Variants in PTCD3 observed in about 807,000 individuals in gnomAD.
The protein encoded by PTCD3 is small ribosomal subunit protein mS39.
A neutral mutation model predicts 101.9 loss-of-function variants in PTCD3; 89 were observed. That is an observed-to-expected ratio of 0.87 (90% CI 0.74 to 1.04). PTCD3 has a LOEUF of 1.04. PTCD3 is among the 50% of genes least tolerant of loss of function. PTCD3 has a pLI of 0.00. For missense variants in PTCD3, 870 were observed against 828.2 expected, an observed-to-expected ratio of 1.05 and a Z score of -0.62; for synonymous variants, 296 against 278.5, an observed-to-expected ratio of 1.06 and a Z score of -0.63.
intron 3 of PTCD3, 178 bp downstream of exon 3, chr2:86,108,714 G>A (rs1226331412): frequency 1.9e-6 from 1 of 526,650 alleles, no homozygotes; most frequent in Admixed American, 3.5e-5. Context: ...GTGGAGAATA[G>A]TGAGTGAATG....
intron 6 of PTCD3, among the ~76,000 whole-genome samples, 184 bp from the exon 7 acceptor site, chr2:86,118,737 G>T (rs572809357): frequency 6.6e-6 from 1 of 152,322 alleles, no homozygotes; most frequent in Non-Finnish European, 1.5e-5. Context: ...GAGATGAAAG[G>T]TTTAGTTCAA....
At chr2:86,135,747 A>G in intron 21 of PTCD3, 2 of 339,192 alleles carry the variant, frequency 5.9e-6, no homozygotes, top group Non-Finnish European at 5.7e-6. Context: ...AAAGATGATG[A>G]AGGCTTGTCT....
intron 23 of PTCD3, 139 bp downstream of exon 23, chr2:86,137,279 G>C: frequency 7.7e-7 from 1 of 1,300,194 alleles, no homozygotes; most frequent in Non-Finnish European, 1.0e-6. Context: ...TATTTCATTT[G>C]TCATGCAAGT....
chr2:86,116,658 A>G (rs1674183893), intron 5 of PTCD3, 60 bp downstream of exon 5: 1 of 1,272,672 alleles, frequency 7.9e-7, no homozygotes, highest in Non-Finnish European at 1.1e-6. Flanking sequence ...ACAACAGTAC[A>G]TAAATAATTT....
At position 86,123,757 on chromosome 2, in the gene PTCD3, A is replaced by T; in HGVS notation, c.711A>T (p.Thr237=). 6.3e-7 allele frequency: 1 copy of T among 1,599,168 alleles called. No individual in the cohort carries two copies. The highest frequency in any genetic ancestry group is 8.5e-7 in the Non-Finnish European group (1 of 1,172,972). The change falls in exon 9 of 24, where the codon ACA becomes ACT. Residue 237 remains threonine, a synonymous_variant. Coordinates refer to ENST00000254630, the MANE Select transcript of PTCD3 (RefSeq NM_017952.6). ...RRKAGHQFGV[T]WRAKNNAERI... is the part of the protein sequence containing the mutation. ...AAGCTGGTCATCAGTTTGGAGTTAC[A>T]TGGCGGTATGTCACACGTAATTAGA... is the stretch of plus-strand genomic sequence containing the variant.
chr2:86,128,634 A>C (rs1674441032), intron 14 of PTCD3, among the ~76,000 whole-genome samples: 1 of 152,190 alleles, frequency 6.6e-6, no homozygotes, highest in Admixed American at 6.5e-5. Context: ...CTCCAGAGGA[A>C]AGGTAAACTT....
chr2:86,124,682 A>G (rs980390318), intron 9 of PTCD3, among the ~76,000 whole-genome samples: 3 of 152,236 alleles, frequency 2.0e-5, no homozygotes, highest in Non-Finnish European at 4.4e-5. Flanking sequence ...AGGAAACTTT[A>G]CTAGGGACTT....
chr2:86,113,331 T>C (rs1336006053), intron 4 of PTCD3, among the ~76,000 whole-genome samples: 1 of 152,234 alleles, frequency 6.6e-6, no homozygotes, highest in African/African-American at 2.4e-5. Context: ...AAATGGAACT[T>C]TCTGCTTGGT....
intron 5 of PTCD3, 123 bp from the exon 6 acceptor site, chr2:86,116,932 T>G: frequency 1.6e-6 from 1 of 625,600 alleles, no homozygotes. Context: ...AATTTCTAAT[T>G]GGGATTCTGC....
intron 3 of PTCD3, chr2:86,108,942 G>T: frequency 6.0e-6 from 1 of 165,542 alleles, no homozygotes; most frequent in African/African-American, 2.4e-5. Context: ...GCAAAATTTA[G>T]CTTTTTTATT....
At chr2:86,133,566 T>A (rs1380768496) in intron 19 of PTCD3, 130 bp downstream of exon 19, 2 of 937,034 alleles carry the variant, frequency 2.1e-6, no homozygotes, top group African/African-American at 3.3e-5. Flanking sequence ...TTAGTTGAGA[T>A]GTACTTCAAG....
rs1481313528 is a variant in PTCD3, at chr2:86,121,480, A to G, written c.540A>G (p.Gly180=). 2.5e-6 allele frequency: 4 copies of G among 1,585,842 alleles called. No homozygotes were observed. The highest frequency in any genetic ancestry group is 1.7e-4 in the Middle Eastern group (1 of 5,918). ...VDMFDQLLQA[G]TTVSLETTNS... Reference sequence around the variant, plus strand: ...TATCTTTCTGTCTCTTACCCACAGGAACCACTGTGTCTCTTGAAACAACAA... The same window carrying G: ...TATCTTTCTGTCTCTTACCCACAGGGACCACTGTGTCTCTTGAAACAACAA... Residue 180 remains glycine, a splice_region_variant and synonymous_variant, in exon 8 of 24, where the codon GGA becomes GGG. Transcript: ENST00000254630.
intron 6 of PTCD3, 66 bp from the exon 7 acceptor site, chr2:86,118,855 C>G: frequency 2.0e-6 from 3 of 1,533,516 alleles, no homozygotes; most frequent in Non-Finnish European, 2.7e-6. Flanking sequence ...AAAGTTTTGT[C>G]CTACTCAGTT....
At chr2:86,121,430 G>A (rs754139083) in intron 7 of PTCD3, 49 bp from the exon 8 acceptor site, 3 of 1,211,158 alleles carry the variant, frequency 2.5e-6, no homozygotes, top group Non-Finnish European at 3.6e-6. Context: ...ACAGGCTTTA[G>A]TTCTTCATTG....
At chr2:86,110,648 C>T (rs1427113947) in intron 3 of PTCD3, among the ~76,000 whole-genome samples, 1 of 152,124 alleles carries the variant, frequency 6.6e-6, no homozygotes, top group Non-Finnish European at 1.5e-5. Flanking sequence ...TCTGGGAATT[C>T]AGTAAGAGTG....
chr2:86,127,991 G>C lies in PTCD3; in HGVS notation c.1147G>C (p.Gly383Arg). 6.2e-7 allele frequency: 1 copy of C among 1,600,164 alleles called. No individual in the cohort carries two copies. Among genetic ancestry groups the C allele is most frequent in the Non-Finnish European group, 8.6e-7 (1 of 1,167,626 alleles). The stretch of plus-strand genomic sequence containing the variant: ...TATTATTCGCCTGTTTGATCAACCT[G>C]GTATGTATGGCCTTAAATTGTGTTA... ...HHIIRLFDQP[G>R]DPLKRSSFII... The change falls in exon 14 of 24, where the codon GGA (glycine) becomes CGA (arginine). Residue 383 changes from glycine to arginine, a missense_variant and splice_region_variant. Gly to Arg is a moderately radical substitution (Grantham distance 125). Coordinates refer to ENST00000254630, the MANE Select transcript of PTCD3 (RefSeq NM_017952.6).
intron 4 of PTCD3, among the ~76,000 whole-genome samples, chr2:86,115,688 C>G (rs892587622): frequency 3.3e-5 from 5 of 152,106 alleles, no homozygotes; most frequent in Non-Finnish European, 1.5e-5. Flanking sequence ...GTAAGGCACT[C>G]AGACACAGAA....
intron 16 of PTCD3, 48 bp from the exon 17 acceptor site, chr2:86,132,270 C>T (rs1221637493): frequency 8.6e-7 from 1 of 1,156,268 alleles, no homozygotes; most frequent in Non-Finnish European, 1.3e-6. Flanking sequence ...TTGTGAACCA[C>T]TGGCTGACAG....
rs1674593269 is a variant in PTCD3 at position 86,136,861 on chromosome 2, C to T, written c.1821-121C>T. ...GAAACAAGTAAAAATAAATGTTAGACTTCATCTTTGTCTCCAGAAATACTG... is the reference window on the plus strand; with the variant it reads ...GAAACAAGTAAAAATAAATGTTAGATTTCATCTTTGTCTCCAGAAATACTG... On this transcript the variant is annotated intron_variant, in intron 22 of 23. Coordinates refer to ENST00000254630, the MANE Select transcript of PTCD3 (RefSeq NM_017952.6). 2.3e-6 allele frequency: 3 copies of T among 1,285,866 alleles called. No homozygotes were observed. The South Asian group carries it at 4.1e-5, about 18-fold the overall frequency. 79.7% of individuals were successfully genotyped at this position (1,285,866 alleles called of 1,614,324 possible).
Sources: allele counts gnomAD v4.1 joint callset (sites outside exome capture counted in the v4.1 genomes callset), GRCh38; gene constraint gnomAD v4.1.1; transcripts MANE v1.5; gene names NCBI Gene and HGNC (gene_info 2026-07-23, HGNC 2026-07-21).